Variants in LOC122539214 observed in about 807,000 individuals in gnomAD.
At chr19:52,680,740 G>A in the LOC122539214 span, among the ~76,000 whole-genome samples, 1 of 140,868 alleles carries the variant, frequency 7.1e-6, no homozygotes, top group Non-Finnish European at 1.5e-5. Flanking sequence ...AGCCTCCCGA[G>A]TAACTGGGAC....
At chr19:52,689,411 TCC>T in the LOC122539214 span, among the ~76,000 whole-genome samples, 18,543 of 149,382 alleles carry the variant, frequency 0.12, 1,424 homozygotes, top group African/African-American at 0.23. Flanking sequence ...TCTCTAGCAC[TCC>T]AGATCCCCAG....
the LOC122539214 span, among the ~76,000 whole-genome samples, chr19:52,674,751 C>G: frequency 6.6e-6 from 1 of 152,068 alleles, no homozygotes; most frequent in African/African-American, 2.4e-5. Context: ...GAACATTGAT[C>G]AAAATGATTA....
the LOC122539214 span, chr19:52,655,466 TG>T: frequency 1.6e-5 from 19 of 1,159,460 alleles, no homozygotes; most frequent in African/African-American, 2.3e-4. Context: ...ATCAAAAGCA[TG>T]TATGCGGCAA....
At chr19:52,678,032 C>G in the LOC122539214 span, among the ~76,000 whole-genome samples, 1 of 151,160 alleles carries the variant, frequency 6.6e-6, no homozygotes, top group Non-Finnish European at 1.5e-5. Flanking sequence ...GAGACTGTCT[C>G]AAAAAACAAA....
chr19:52,660,667 A>G, the LOC122539214 span: 1 of 158,586 alleles, frequency 6.3e-6, no homozygotes. Flanking sequence ...CAAACTTGTG[A>G]CGCAGGACGC....
At chr19:52,676,580 G>A in the LOC122539214 span, among the ~76,000 whole-genome samples, 1 of 151,796 alleles carries the variant, frequency 6.6e-6, no homozygotes, top group African/African-American at 2.4e-5. Context: ...CCCCTACTGG[G>A]AAGTGAGGAG....
the LOC122539214 span, among the ~76,000 whole-genome samples, chr19:52,671,052 G>T: frequency 1.3e-5 from 2 of 152,168 alleles, no homozygotes; most frequent in African/African-American, 4.8e-5. Context: ...AGAAGAAAAA[G>T]ATCTAGCTAT....
At chr19:52,689,750 C>T in the LOC122539214 span, among the ~76,000 whole-genome samples, 1 of 131,758 alleles carries the variant, frequency 7.6e-6, no homozygotes, top group Non-Finnish European at 1.6e-5. Flanking sequence ...TTCCACTGCT[C>T]TCTGTCCGTC....
the LOC122539214 span, among the ~76,000 whole-genome samples, chr19:52,657,330 A>C: frequency 6.6e-6 from 1 of 152,104 alleles, no homozygotes; most frequent in South Asian, 2.1e-4. Context: ...AAAATTAGTG[A>C]AAAGGGGACA....
the LOC122539214 span, among the ~76,000 whole-genome samples, chr19:52,680,708 G>GT: frequency 7.1e-6 from 1 of 140,032 alleles, no homozygotes; most frequent in African/African-American, 3.0e-5. Flanking sequence ...CGCCTCCCGG[G>GT]TTCACGCCAT....
At chr19:52,651,939 T>C in the LOC122539214 span, 1 of 176,310 alleles carries the variant, frequency 5.7e-6, no homozygotes, top group South Asian at 1.6e-4. Context: ...ACTCAAACTC[T>C]AGTCAATGCA....
At chr19:52,651,616 G>A in the LOC122539214 span, 1 of 151,312 alleles carries the variant, frequency 6.6e-6, no homozygotes, top group East Asian at 1.9e-4. Flanking sequence ...GCAGGAGGTG[G>A]AGGTTGCAGT....
chr19:52,670,581 G>A, the LOC122539214 span, among the ~76,000 whole-genome samples: 2 of 152,076 alleles, frequency 1.3e-5, no homozygotes, highest in Admixed American at 6.5e-5. Context: ...TATTTGTCAT[G>A]GAAAAGAGTC....
At chr19:52,678,790 A>G in the LOC122539214 span, among the ~76,000 whole-genome samples, 6 of 152,198 alleles carry the variant, frequency 3.9e-5, no homozygotes, top group African/African-American at 1.2e-4. Flanking sequence ...CCTGGCCAAC[A>G]TAGTGAAAAC....
chr19:52,687,637 A>ATATATATATATATATAATG, the LOC122539214 span, among the ~76,000 whole-genome samples: 6 of 17,344 alleles, frequency 3.5e-4, 1 homozygote, highest in Non-Finnish European at 6.3e-4. Context: ...TATAATGTAT[A>ATATATATATATATATAATG]TATATATATA....
the LOC122539214 span, among the ~76,000 whole-genome samples, chr19:52,681,737 G>A: frequency 6.6e-6 from 1 of 152,168 alleles, no homozygotes; most frequent in African/African-American, 2.4e-5. Context: ...AACTGACACA[G>A]GTTTATCTAA....
At chr19:52,676,999 C>A in the LOC122539214 span, among the ~76,000 whole-genome samples, 1 of 146,064 alleles carries the variant, frequency 6.8e-6, no homozygotes, top group Non-Finnish European at 1.5e-5. Context: ...CGGAAGGCCG[C>A]AGGGTCCTCT....
At chr19:52,684,796 A>G in the LOC122539214 span, among the ~76,000 whole-genome samples, 91,362 of 151,130 alleles carry the variant, frequency 0.6, 27,776 homozygotes, top group African/African-American at 0.69. Context: ...GGTGTTTGGG[A>G]AAAAAAAAAT....
the LOC122539214 span, chr19:52,655,464 C>T: frequency 8.7e-7 from 1 of 1,143,672 alleles, no homozygotes; most frequent in Non-Finnish European, 1.3e-6. Flanking sequence ...ACATCAAAAG[C>T]ATGTATGCGG....
Sources: allele counts gnomAD v4.1 joint callset (sites outside exome capture counted in the v4.1 genomes callset), GRCh38; gene constraint gnomAD v4.1.1; transcripts MANE v1.5.